UNC13C: variants seen among roughly 807,000 people sequenced by gnomAD.
UNC13C encodes protein unc-13 homolog C.
Under a neutral mutation model 245.4 loss-of-function variants are expected in UNC13C, and 174 were observed. The observed-to-expected ratio is 0.71, with a 90% confidence interval of 0.63 to 0.80. The LOEUF is 0.80. Ranked by LOEUF, UNC13C falls within the 30% of genes least tolerant of loss-of-function variation. The pLI, the probability that UNC13C is intolerant of heterozygous loss-of-function variation, is 0.00. For missense variants in UNC13C, 2,829 were observed against 2,602.9 expected, an observed-to-expected ratio of 1.09 and a Z score of -1.89; for synonymous variants, 992 against 895.1, an observed-to-expected ratio of 1.11 and a Z score of -1.93.
chr15:53,899,132 A>G, the UNC13C span, among the ~76,000 whole-genome samples: 1 of 152,192 alleles, frequency 6.6e-6, no homozygotes, highest in South Asian at 2.1e-4. Flanking sequence ...TTTTAACACC[A>G]TCAGTATTCT....
chr15:54,176,482 AGCCCCTGTC>A (rs1221834373), intron 4 of UNC13C, among the ~76,000 whole-genome samples: 1 of 152,150 alleles, frequency 6.6e-6, no homozygotes, highest in African/African-American at 2.4e-5. Flanking sequence ...TGTCTCCATT[AGCCCCTGTC>A]TAACCCTTAT....
At chr15:54,260,293 TG>T (rs1225831707) in intron 8 of UNC13C, among the ~76,000 whole-genome samples, 1 of 152,112 alleles carries the variant, frequency 6.6e-6, no homozygotes, top group Non-Finnish European at 1.5e-5. Context: ...AAATCAGGTT[TG>T]GGTTTTTTTG....
intron 2 of UNC13C, among the ~76,000 whole-genome samples, chr15:54,039,239 C>T (rs1896714515): frequency 6.6e-6 from 1 of 152,194 alleles, no homozygotes; most frequent in Admixed American, 6.5e-5. Flanking sequence ...AATGTTTTCT[C>T]ATCTGGCTCA....
intron 2 of UNC13C, among the ~76,000 whole-genome samples, chr15:54,031,900 A>C (rs1325419017): frequency 6.6e-6 from 1 of 152,210 alleles, no homozygotes; most frequent in Non-Finnish European, 1.5e-5. Flanking sequence ...ATCATTCATG[A>C]ACTTTATCAT....
intron 17 of UNC13C, among the ~76,000 whole-genome samples, chr15:54,374,085 A>C (rs1234376331): frequency 6.6e-6 from 1 of 152,184 alleles, no homozygotes; most frequent in African/African-American, 2.4e-5. Context: ...TCCTCTCTGC[A>C]GACAGGTCCT....
At chr15:53,910,424 T>C in the UNC13C span, among the ~76,000 whole-genome samples, 5 of 146,420 alleles carry the variant, frequency 3.4e-5, no homozygotes, top group African/African-American at 1.2e-4. Flanking sequence ...TGTAAGTTCA[T>C]ATTTGGCTTT....
At chr15:53,991,790 A>C (rs980636347) in intron 1 of UNC13C, among the ~76,000 whole-genome samples, 2 of 151,916 alleles carry the variant, frequency 1.3e-5, no homozygotes, top group Non-Finnish European at 2.9e-5. Context: ...CCTAACCTCA[A>C]TTGTTTTTGG....
chr15:53,893,788 C>A, the UNC13C span, among the ~76,000 whole-genome samples: 1 of 152,210 alleles, frequency 6.6e-6, no homozygotes, highest in Non-Finnish European at 1.5e-5. Context: ...GTTTGCTGGG[C>A]TCCATGGCAT....
At position 53,978,544 on chromosome 15, in the gene UNC13C, A is replaced by T. The variant is rs556752513; in HGVS notation, c.-640A>T. Among the ~76,000 whole-genome samples the T allele has an allele frequency of 3.9e-5, 6 of 152,322 alleles. No individual in the cohort carries two copies. Among genetic ancestry groups the T allele is most frequent in the African/African-American group, 1.2e-4 (5 of 41,586 alleles). On this transcript the variant is annotated 5_prime_UTR_variant, in exon 1 of 33. Transcript: ENST00000260323. ...TTGATGAGCCTGGGCGCTCCTCAAC[A>T]CACGGGAGAGATCCCATTTTGCTTT...
chr15:53,909,209 T>C, the UNC13C span, among the ~76,000 whole-genome samples: 4 of 146,774 alleles, frequency 2.7e-5, no homozygotes, highest in African/African-American at 9.8e-5. Flanking sequence ...ATGCCCAACA[T>C]ATATGAGTTA....
At chr15:54,007,499 C>G (rs1371533920) in intron 1 of UNC13C, among the ~76,000 whole-genome samples, 2 of 152,112 alleles carry the variant, frequency 1.3e-5, no homozygotes, top group East Asian at 3.9e-4. Context: ...CCTTAGCAAA[C>G]TGATGCAGGA....
At chr15:54,522,635 T>C (rs1031467407) in intron 24 of UNC13C, among the ~76,000 whole-genome samples, 8 of 152,220 alleles carry the variant, frequency 5.3e-5, no homozygotes, top group African/African-American at 1.9e-4. Context: ...TAGTTTATTC[T>C]GATCATCTGA....
chr15:54,599,981 T>G (rs997172188), intron 30 of UNC13C, among the ~76,000 whole-genome samples: 9 of 152,156 alleles, frequency 5.9e-5, no homozygotes, highest in Non-Finnish European at 1.3e-4. Context: ...GCTTTTGTAG[T>G]AATTGTTTTG....
chr15:53,941,064 G>C, the UNC13C span, among the ~76,000 whole-genome samples: 1,795 of 152,158 alleles, frequency 0.012, 19 homozygotes, highest in Non-Finnish European at 0.018. Flanking sequence ...TATACTACAA[G>C]GCTACAGTAA....
chr15:54,195,527 C>T (rs146028057), intron 4 of UNC13C, among the ~76,000 whole-genome samples: 19 of 152,182 alleles, frequency 1.2e-4, no homozygotes, highest in African/African-American at 4.8e-5. Flanking sequence ...ACAGAAGCAG[C>T]GCCTTTTGCA....
intron 4 of UNC13C, among the ~76,000 whole-genome samples, chr15:54,153,671 A>T (rs2032622073): frequency 6.6e-6 from 1 of 152,094 alleles, no homozygotes. Flanking sequence ...TTAACATTAC[A>T]TTATGTATTG....
At chr15:54,504,074 T>C (rs1894357878) in intron 22 of UNC13C, among the ~76,000 whole-genome samples, 1 of 152,202 alleles carries the variant, frequency 6.6e-6, no homozygotes, top group Non-Finnish European at 1.5e-5. Flanking sequence ...TGATGAGTGA[T>C]AAAATGGGCA....
intron 30 of UNC13C, among the ~76,000 whole-genome samples, chr15:54,583,762 T>C (rs1228553540): frequency 6.6e-6 from 1 of 152,084 alleles, no homozygotes; most frequent in Non-Finnish European, 1.5e-5. Context: ...CCTCCCTGAG[T>C]GGTTGTTTGT....
chr15:54,071,269 T>C (rs961600368), intron 2 of UNC13C, among the ~76,000 whole-genome samples: 1 of 152,196 alleles, frequency 6.6e-6, no homozygotes, highest in Admixed American at 6.6e-5. Flanking sequence ...AATATTCTTG[T>C]GTCTGTTGCT....
Sources: allele counts gnomAD v4.1 joint callset (sites outside exome capture counted in the v4.1 genomes callset), GRCh38; gene constraint gnomAD v4.1.1; transcripts MANE v1.5; gene names NCBI Gene and HGNC (gene_info 2026-07-23, HGNC 2026-07-21).